The following CTNNA3 variants were observed in gnomAD, a reference collection of about 807,000 sequenced individuals.
The protein encoded by CTNNA3 is catenin alpha 3.
In CTNNA3, 76 loss-of-function variants were observed where a neutral mutation model predicts 95.7. The ratio of observed to expected loss-of-function variants is 0.79; its 90% CI spans 0.66 to 0.96. The LOEUF (loss-of-function observed/expected upper bound fraction) is 0.96, where lower values mean the gene tolerates loss of function less well. Ranked by LOEUF, CTNNA3 falls within the 40% of genes least tolerant of loss-of-function variation. The pLI is 0.00. For missense variants in CTNNA3, 1,191 were observed against 1,089.8 expected (o/e 1.09, Z -1.31); for synonymous variants, 431 against 374.4 (o/e 1.15, Z -1.74).
Position 66,435,957 on chromosome 10 carries a change from T to G in CTNNA3, c.1532-56605A>C, listed in dbSNP as rs1589247066. ...ACCCAATAGTCATTCAGGAGCAGGTTGTTCAGTTTCCATGTAGTTGTGCGG... is the reference window on the plus strand; with the variant it reads ...ACCCAATAGTCATTCAGGAGCAGGTGGTTCAGTTTCCATGTAGTTGTGCGG... On this transcript the variant is annotated intron_variant, in intron 11 of 17. Coordinates refer to ENST00000433211, the MANE Select transcript of CTNNA3 (RefSeq NM_013266.4). Among the ~76,000 whole-genome samples the G allele has an allele frequency of 5.3e-5, 8 of 152,222 alleles. No individual in the cohort carries two copies. The South Asian group carries it at 1.7e-3, about 32-fold the overall frequency.
chr10:67,188,809 CT>C (rs1243818550), intron 6 of CTNNA3, among the ~76,000 whole-genome samples: 1 of 152,048 alleles, frequency 6.6e-6, no homozygotes, highest in Non-Finnish European at 1.5e-5. Flanking sequence ...ACTATTCAGC[CT>C]TTAAAAAGAA....
chr10:67,019,400 T>C (rs1171585908), intron 7 of CTNNA3, among the ~76,000 whole-genome samples: 1 of 152,084 alleles, frequency 6.6e-6, no homozygotes, highest in African/African-American at 2.4e-5. Flanking sequence ...GTGTTTTTAG[T>C]AGAGACAGGG....
At chr10:66,886,088 A>G (rs190544451) in intron 7 of CTNNA3, among the ~76,000 whole-genome samples, 10 of 152,282 alleles carry the variant, frequency 6.6e-5, no homozygotes, top group Admixed American at 5.2e-4. Context: ...CAAGAACCAA[A>G]GGAGAGAAGA....
At chr10:66,090,733 T>A (rs527601702) in intron 14 of CTNNA3, among the ~76,000 whole-genome samples, 111 of 152,090 alleles carry the variant, frequency 7.3e-4, no homozygotes, top group South Asian at 2.1e-4. Flanking sequence ...GCTGATGACT[T>A]TACACTCAAG....
At chr10:66,149,870 T>C (rs141684215) in intron 13 of CTNNA3, among the ~76,000 whole-genome samples, 1 of 152,198 alleles carries the variant, frequency 6.6e-6, no homozygotes, top group African/African-American at 2.4e-5. Context: ...ACCATAAAAG[T>C]ATCAGGCCCT....
intron 7 of CTNNA3, among the ~76,000 whole-genome samples, chr10:67,021,477 T>C (rs1853011959): frequency 6.6e-6 from 1 of 152,118 alleles, no homozygotes; most frequent in Non-Finnish European, 1.5e-5. Context: ...GTCACTGTCA[T>C]GTTATTTGTG....
chr10:67,464,879 A>AAAAG (rs147188424), intron 5 of CTNNA3, among the ~76,000 whole-genome samples: 16,037 of 151,254 alleles, frequency 0.11, 1,963 homozygotes, highest in East Asian at 0.33. Flanking sequence ...AAAAAAAAGA[A>AAAAG]AAAGAAAGTA....
rs537644102 is a variant in CTNNA3, at chr10:66,178,300, A to G, written c.1885-75051T>C. Among the ~76,000 whole-genome samples the G allele has an allele frequency of 6.7e-5, 10 of 150,074 alleles. No individual in the cohort carries two copies. In the East Asian group the frequency reaches 2.0e-3, roughly 29 times the overall value. ...ATTAAAAACCTTGAAATGAAAGTGT[A>G]TATGTATGTGTATATATTACAGACA... On this transcript the variant is annotated intron_variant, in intron 13 of 17. Transcript: ENST00000433211.
At chr10:66,430,868 A>T (rs939466833) in intron 11 of CTNNA3, among the ~76,000 whole-genome samples, 22 of 152,318 alleles carry the variant, frequency 1.4e-4, no homozygotes, top group Non-Finnish European at 2.6e-4. Flanking sequence ...CTAAAACACC[A>T]AAAGCAATGG....
intron 9 of CTNNA3, among the ~76,000 whole-genome samples, chr10:66,622,388 T>C (rs1157124913): frequency 1.3e-5 from 2 of 152,176 alleles, no homozygotes; most frequent in Non-Finnish European, 2.9e-5. Context: ...ATTTCTCTTA[T>C]ATTATTGCTT....
chr10:67,031,396 C>T (rs565248164), intron 7 of CTNNA3, among the ~76,000 whole-genome samples: 131 of 152,286 alleles, frequency 8.6e-4, no homozygotes, highest in African/African-American at 3.0e-3. Flanking sequence ...TTCGTCTTCA[C>T]TTCTGGCTAC....
intron 7 of CTNNA3, among the ~76,000 whole-genome samples, chr10:66,913,551 T>C (rs1444442828): frequency 6.6e-6 from 1 of 152,058 alleles, no homozygotes; most frequent in Non-Finnish European, 1.5e-5. Context: ...GACAAATGAA[T>C]ACAAATGAGG....
chr10:67,032,561 G>T (rs1414630089), intron 7 of CTNNA3, among the ~76,000 whole-genome samples: 1 of 152,138 alleles, frequency 6.6e-6, no homozygotes, highest in Non-Finnish European at 1.5e-5. Flanking sequence ...TTTTATGTTT[G>T]CCTCACATAC....
chr10:66,493,398 T>C (rs1839988314), intron 11 of CTNNA3, among the ~76,000 whole-genome samples: 1 of 152,088 alleles, frequency 6.6e-6, no homozygotes, highest in Admixed American at 6.5e-5. Context: ...TCTAAACTCA[T>C]AAGAGCTGTA....
At chr10:66,369,741 C>G (rs2092739118) in intron 12 of CTNNA3, among the ~76,000 whole-genome samples, 1 of 151,996 alleles carries the variant, frequency 6.6e-6, no homozygotes, top group Non-Finnish European at 1.5e-5. Flanking sequence ...AACAATATGC[C>G]CTTTCAGCAT....
chr10:66,633,419 G>T (rs996483105), intron 9 of CTNNA3, among the ~76,000 whole-genome samples: 1 of 152,090 alleles, frequency 6.6e-6, no homozygotes, highest in Non-Finnish European at 1.5e-5. Context: ...AGTGGCTCAC[G>T]CCTGTAATCC....
rs7893959 is a variant in CTNNA3 at position 66,915,713 on chromosome 10, T to A, written c.1048-140189A>T. Among the ~76,000 whole-genome samples the A allele has an allele frequency of 7.6e-5, 11 of 143,968 alleles. No individual in the cohort carries two copies. In the East Asian group the frequency reaches 7.9e-4, roughly 10 times the overall value. 94.4% of individuals were successfully genotyped at this position (143,968 alleles called of 152,430 possible). ...GCATTTGACATATATATATATATAA[T>A]ATATATATATACACACACACACATA... On this transcript the variant is annotated intron_variant, in intron 7 of 17. Transcript: ENST00000433211.
At chr10:66,213,442 A>G (rs543626919) in intron 13 of CTNNA3, among the ~76,000 whole-genome samples, 1 of 152,264 alleles carries the variant, frequency 6.6e-6, no homozygotes, top group Admixed American at 6.5e-5. Context: ...ACTACGCTAC[A>G]TTTTTTCCTA....
At chr10:66,111,799 G>A (rs1428594371) in intron 13 of CTNNA3, among the ~76,000 whole-genome samples, 1 of 152,180 alleles carries the variant, frequency 6.6e-6, no homozygotes, top group Non-Finnish European at 1.5e-5. Flanking sequence ...GTAGGCTTGT[G>A]TTACGGTGGG....
Sources: allele counts gnomAD v4.1 joint callset (sites outside exome capture counted in the v4.1 genomes callset), GRCh38; gene constraint gnomAD v4.1.1; transcripts MANE v1.5; gene names NCBI Gene and HGNC (gene_info 2026-07-23, HGNC 2026-07-21).